Variants in PREX2 observed in about 807,000 individuals in gnomAD.
PREX2 encodes phosphatidylinositol-3,4,5-trisphosphate dependent Rac exchange factor 2.
In PREX2, 107 loss-of-function variants were observed where a neutral mutation model predicts 203.2. The ratio of observed to expected loss-of-function variants is 0.53; its 90% CI spans 0.45 to 0.62. The LOEUF is 0.62. PREX2 is among the 20% of genes least tolerant of loss of function. The pLI, the probability that PREX2 is intolerant of heterozygous loss-of-function variation, is 0.00. For synonymous variants in PREX2, 672 were observed against 663.6 expected, an observed-to-expected ratio of 1.01 and a Z score of -0.19; for missense variants, 1,777 against 1,955.9, an observed-to-expected ratio of 0.91 and a Z score of 1.72.
intron 11 of PREX2, among the ~76,000 whole-genome samples, chr8:68,061,171 G>GAAAT (rs1184035559): frequency 6.6e-6 from 1 of 152,208 alleles, no homozygotes; most frequent in Non-Finnish European, 1.5e-5. Context: ...CCACCCGGAG[G>GAAAT]AAATAACAGC....
chr8:68,181,561 A>G (rs1258967971), intron 35 of PREX2, among the ~76,000 whole-genome samples: 1 of 152,086 alleles, frequency 6.6e-6, no homozygotes, highest in Non-Finnish European at 1.5e-5. Flanking sequence ...TCTTTTTCCT[A>G]TTATAACTAC....
At chr8:68,027,138 A>G (rs77409462) in intron 4 of PREX2, 84 bp from the exon 5 acceptor site, 15,413 of 935,828 alleles carry the variant, frequency 0.016, 157 homozygotes, top group Non-Finnish European at 0.022. Flanking sequence ...TGCTTTCACT[A>G]GTTTTTAGCA....
intron 34 of PREX2, among the ~76,000 whole-genome samples, chr8:68,146,682 A>C (rs921085271): frequency 3.3e-5 from 5 of 152,178 alleles, no homozygotes; most frequent in Admixed American, 1.3e-4. Context: ...ATGAGATAGA[A>C]AAAGTTAATA....
At chr8:67,992,976 C>T (rs967959377) in intron 1 of PREX2, among the ~76,000 whole-genome samples, 1 of 152,164 alleles carries the variant, frequency 6.6e-6, no homozygotes, top group Non-Finnish European at 1.5e-5. Flanking sequence ...TTACTTAAAA[C>T]TAGATATTTG....
At chr8:67,976,644 C>G (rs143728056) in intron 1 of PREX2, among the ~76,000 whole-genome samples, 657 of 46,022 alleles carry the variant, frequency 0.014, 6 homozygotes, top group Middle Eastern at 0.067. Flanking sequence ...GGGAGAGAGA[C>G]AGAGAGAGAG....
intron 30 of PREX2, among the ~76,000 whole-genome samples, chr8:68,126,156 A>G (rs1016872413): frequency 3.3e-5 from 5 of 152,114 alleles, no homozygotes; most frequent in African/African-American, 1.2e-4. Context: ...TTCCTTTGCT[A>G]GCAAAATCTC....
intron 1 of PREX2, among the ~76,000 whole-genome samples, chr8:67,967,539 G>A (rs941265769): frequency 4.6e-5 from 7 of 152,198 alleles, no homozygotes; most frequent in East Asian, 1.9e-4. Context: ...AACCCAGCAC[G>A]CTGTGCAGTT....
intron 35 of PREX2, among the ~76,000 whole-genome samples, chr8:68,178,716 A>C (rs1812029679): frequency 6.6e-6 from 1 of 152,138 alleles, no homozygotes; most frequent in South Asian, 2.1e-4. Context: ...TGGAATGACA[A>C]CATAGTTTAC....
intron 1 of PREX2, among the ~76,000 whole-genome samples, chr8:67,963,861 A>G (rs116025822): frequency 1.9e-4 from 29 of 152,058 alleles, no homozygotes; most frequent in African/African-American, 7.0e-4. Flanking sequence ...CTCTCTTAGA[A>G]CTCTGGTTAT....
intron 27 of PREX2, 74 bp downstream of exon 27, chr8:68,118,718 C>T (rs1463712908): frequency 4.8e-6 from 5 of 1,047,938 alleles, no homozygotes; most frequent in Non-Finnish European, 7.5e-6. Context: ...GTTTTAATTT[C>T]GTAGATCCAT....
At chr8:68,103,126 C>A in intron 23 of PREX2, 1 of 380,360 alleles carries the variant, frequency 2.6e-6, no homozygotes, top group Non-Finnish European at 5.2e-6. Flanking sequence ...AAAAATATTA[C>A]CTGCAGGAAC....
At chr8:68,041,863 G>A (rs972591110) in intron 7 of PREX2, among the ~76,000 whole-genome samples, 3 of 151,994 alleles carry the variant, frequency 2.0e-5, no homozygotes, top group African/African-American at 4.8e-5. Context: ...ATTAACATTA[G>A]TGGACAAATC....
intron 1 of PREX2, among the ~76,000 whole-genome samples, chr8:67,986,638 C>T (rs1288727794): frequency 1.3e-5 from 2 of 152,172 alleles, no homozygotes; most frequent in East Asian, 3.9e-4. Context: ...TAGTGAACTT[C>T]TAATGGCAGG....
At chr8:67,962,740 G>A (rs1164354817) in intron 1 of PREX2, among the ~76,000 whole-genome samples, 1 of 151,604 alleles carries the variant, frequency 6.6e-6, no homozygotes, top group Non-Finnish European at 1.5e-5. Context: ...CCAAATAGCT[G>A]GGATTACAGG....
intron 23 of PREX2, among the ~76,000 whole-genome samples, chr8:68,107,365 G>A (rs1810437773): frequency 6.6e-6 from 1 of 152,104 alleles, no homozygotes; most frequent in Non-Finnish European, 1.5e-5. Flanking sequence ...GAAGTTAGGT[G>A]AGGATCTGAC....
chr8:68,023,469 G>A (rs1056489500), intron 4 of PREX2, among the ~76,000 whole-genome samples: 19 of 151,998 alleles, frequency 1.3e-4, no homozygotes, highest in Admixed American at 7.2e-4. Context: ...TTAAAAATTG[G>A]GATGTTTATT....
At chr8:68,177,260 C>T (rs147354464) in intron 35 of PREX2, 1 of 152,118 alleles carries the variant, frequency 6.6e-6, no homozygotes, top group African/African-American at 2.4e-5. Flanking sequence ...ATTTTGCAAT[C>T]AAAAATAAAA....
intron 2 of PREX2, among the ~76,000 whole-genome samples, chr8:68,018,584 G>A (rs1297320708): frequency 6.6e-6 from 1 of 152,184 alleles, no homozygotes; most frequent in East Asian, 1.9e-4. Flanking sequence ...AAGGCAGGGT[G>A]TGGGCAAACG....
At position 68,083,334 on chromosome 8, in the gene PREX2, C is replaced by T. The variant is rs775560862; in HGVS notation, c.1973C>T (p.Ser658Leu). 6.8e-6 allele frequency: 11 copies of T among 1,611,204 alleles called. No individual in the cohort carries two copies. The highest frequency in any genetic ancestry group is 2.7e-5 in the African/African-American group (2 of 74,890). Reference protein sequence around the residue: ...PFNEVDCFLKSCLNSRKPLRV... With the variant: ...PFNEVDCFLKLCLNSRKPLRV... ...AATGAAGTGGATTGCTTCCTGAAAT[C>T]GTGTTTAAACAGCAGAAAACCTCTA... Residue 658 changes from serine to leucine, a missense_variant, in exon 18 of 40, where the codon TCG (serine) becomes TTG (leucine). Ser to Leu is a moderately radical substitution (Grantham distance 145). Transcript: ENST00000288368.
Sources: gnomAD v4.1 joint callset for allele counts (sites outside exome capture counted in the v4.1 genomes callset) on GRCh38, gnomAD v4.1.1 for gene constraint, MANE v1.5 for transcripts, NCBI Gene and HGNC (gene_info 2026-07-23, HGNC 2026-07-21) for gene names.